The following GSK3B variants were observed in gnomAD, a reference collection of about 807,000 sequenced individuals.
GSK3B encodes the protein glycogen synthase kinase 3 beta.
A neutral mutation model predicts 56.4 loss-of-function variants in GSK3B; 15 were observed. The observed-to-expected ratio is 0.27, with a 90% CI of 0.18 to 0.41. The LOEUF is 0.41. Ranked by LOEUF, GSK3B falls within the 10% of genes least tolerant of loss-of-function variation. GSK3B has a pLI of 1.00. For missense variants in GSK3B, 300 were observed against 513.4 expected, an observed-to-expected ratio of 0.58 and a Z score of 4.02; for synonymous variants, 181 against 188.9, an observed-to-expected ratio of 0.96 and a Z score of 0.34.
chr3:119,887,462 A>G (rs1006275390), intron 7 of GSK3B, among the ~76,000 whole-genome samples: 4 of 152,170 alleles, frequency 2.6e-5, no homozygotes, highest in African/African-American at 4.8e-5. Flanking sequence ...TATAAAAAAG[A>G]ACCAAATGGA....
chr3:119,998,901 T>C (rs775947337), intron 2 of GSK3B, among the ~76,000 whole-genome samples: 1 of 152,222 alleles, frequency 6.6e-6, no homozygotes, highest in Non-Finnish European at 1.5e-5. Flanking sequence ...GAAATGGGCA[T>C]TACTCATATT....
chr3:119,932,265 C>T (rs1251412176), intron 3 of GSK3B, among the ~76,000 whole-genome samples: 1 of 152,186 alleles, frequency 6.6e-6, no homozygotes, highest in Non-Finnish European at 1.5e-5. Flanking sequence ...CTGGGCATTC[C>T]AACTGGCAAA....
At chr3:120,014,605 T>C (rs907875870) in intron 1 of GSK3B, among the ~76,000 whole-genome samples, 8 of 152,160 alleles carry the variant, frequency 5.3e-5, no homozygotes, top group Non-Finnish European at 1.0e-4. Context: ...AGGATAAAAA[T>C]TCCAGGGCAA....
intron 2 of GSK3B, among the ~76,000 whole-genome samples, chr3:119,987,792 T>A (rs1349855895): frequency 6.6e-6 from 1 of 152,206 alleles, no homozygotes; most frequent in Non-Finnish European, 1.5e-5. Context: ...TTATCTGGTA[T>A]AAAATCATAC....
intron 9 of GSK3B, among the ~76,000 whole-genome samples, chr3:119,861,801 T>C (rs2056106940): frequency 6.6e-6 from 1 of 152,168 alleles, no homozygotes; most frequent in Non-Finnish European, 1.5e-5. Flanking sequence ...GCACACTCTG[T>C]AACGTCTGCA....
intron 7 of GSK3B, among the ~76,000 whole-genome samples, chr3:119,888,836 CT>C (rs2056469043): frequency 6.6e-6 from 1 of 152,050 alleles, no homozygotes; most frequent in Non-Finnish European, 1.5e-5. Flanking sequence ...AACGGCTGCT[CT>C]GGGAGTGTCT....
intron 1 of GSK3B, among the ~76,000 whole-genome samples, chr3:120,054,086 G>A (rs2058173221): frequency 6.6e-6 from 1 of 152,018 alleles, no homozygotes; most frequent in Admixed American, 6.6e-5. Flanking sequence ...ATATCATAAA[G>A]GTATCAAAAA....
rs149924209 is a variant in GSK3B, at chr3:119,959,946, T to C, written c.283-12595A>G. On this transcript the variant is annotated intron_variant, in intron 2 of 10. Transcript: ENST00000264235. ...ATTGCACTCTTGGGCATATGTTTTA[T>C]AGAAATAGAAATTTACGTTCACATT... 1.6e-4 allele frequency among the ~76,000 whole-genome samples: 24 copies of C among 152,154 alleles called. No homozygotes were observed. The East Asian group carries it at 4.4e-3, about 28-fold the overall frequency.
intron 1 of GSK3B, among the ~76,000 whole-genome samples, chr3:120,039,781 G>A (rs1311229941): frequency 2.0e-5 from 3 of 152,338 alleles, no homozygotes; most frequent in African/African-American, 4.8e-5. Flanking sequence ...TGTGCTCCCT[G>A]TGCTTTTGCC....
chr3:120,085,898 C>T (rs982511787), intron 1 of GSK3B, among the ~76,000 whole-genome samples: 1 of 152,052 alleles, frequency 6.6e-6, no homozygotes, highest in Non-Finnish European at 1.5e-5. Flanking sequence ...GGAAAAAAAC[C>T]TAAATCACCC....
intron 2 of GSK3B, among the ~76,000 whole-genome samples, chr3:119,967,559 T>C (rs1477212824): frequency 2.0e-5 from 3 of 152,148 alleles, no homozygotes; most frequent in Non-Finnish European, 4.4e-5. Flanking sequence ...ACATATGTTA[T>C]CAATCAATGA....
chr3:119,834,173 T>TTATACTGTGTACC (rs753768142), intron 10 of GSK3B, among the ~76,000 whole-genome samples: 88 of 152,276 alleles, frequency 5.8e-4, no homozygotes, highest in Non-Finnish European at 9.4e-4. Flanking sequence ...GAGATATTAT[T>TTATACTGTGTACC]TATACTGTGT....
At chr3:119,903,999 AC>A (rs2056654061) in intron 7 of GSK3B, among the ~76,000 whole-genome samples, 1 of 152,214 alleles carries the variant, frequency 6.6e-6, no homozygotes, top group Non-Finnish European at 1.5e-5. Context: ...ATTAGAAAGT[AC>A]TAACTTTGAA....
intron 8 of GSK3B, among the ~76,000 whole-genome samples, chr3:119,872,543 T>C (rs1490896401): frequency 6.6e-6 from 1 of 151,950 alleles, no homozygotes; most frequent in Non-Finnish European, 1.5e-5. Flanking sequence ...TTGACAGAAA[T>C]GAGGAGGATG....
chr3:120,053,621 C>T (rs1029556345), intron 1 of GSK3B, among the ~76,000 whole-genome samples: 6 of 152,152 alleles, frequency 3.9e-5, no homozygotes, highest in Non-Finnish European at 8.8e-5. Flanking sequence ...TTACATTAAA[C>T]GGCCCCTGAA....
At position 119,876,311 on chromosome 3, in the gene GSK3B, T is replaced by C. The variant is rs2056312852; in HGVS notation, c.909+102A>G. ...CAACTATCTTTACATGCAGAACTGC[T>C]TGTATTCATGCAACTATCTGATCTC... On this transcript the variant is annotated intron_variant, in intron 8 of 10. Transcript: ENST00000264235. The C allele has an allele frequency of 7.2e-6, 5 of 696,800 alleles. No individual in the cohort carries two copies. The South Asian group carries it at 8.5e-5, about 12-fold the overall frequency. The allele number at this position is 696,800 out of a possible 1,614,324, so 43.2% of individuals were successfully genotyped here. A position where few individuals can be genotyped will look rare whatever the true frequency, so the allele number is the denominator to read the frequency against.
chr3:120,089,058 C>T (rs1238166450), intron 1 of GSK3B, among the ~76,000 whole-genome samples: 1 of 152,230 alleles, frequency 6.6e-6, no homozygotes, highest in Admixed American at 6.5e-5. Flanking sequence ...TATTATCTCA[C>T]ACCTGCAACT....
intron 10 of GSK3B, among the ~76,000 whole-genome samples, chr3:119,839,511 A>T (rs143178542): frequency 9.0e-4 from 137 of 152,270 alleles, no homozygotes; most frequent in African/African-American, 3.3e-3. Flanking sequence ...CGGTATTCTG[A>T]TGATCTTGCT....
At chr3:119,976,150 T>A (rs1362817250) in intron 2 of GSK3B, among the ~76,000 whole-genome samples, 1 of 152,230 alleles carries the variant, frequency 6.6e-6, no homozygotes, top group Non-Finnish European at 1.5e-5. Context: ...ACAGCTGCTT[T>A]AGAAAATAGG....
Sources: gnomAD v4.1 joint callset for allele counts (sites outside exome capture counted in the v4.1 genomes callset) on GRCh38, gnomAD v4.1.1 for gene constraint, MANE v1.5 for transcripts, NCBI Gene and HGNC (gene_info 2026-07-23, HGNC 2026-07-21) for gene names.